Variants in EPS8 observed in about 807,000 individuals in gnomAD.
EPS8 encodes the protein EGFR pathway substrate 8, signaling adaptor, also known as epidermal growth factor receptor kinase substrate 8.
In EPS8, 42 loss-of-function variants were observed where a neutral mutation model predicts 103.8. The observed-to-expected ratio is 0.40, with a 90% CI of 0.32 to 0.52. The LOEUF is 0.52. Ranked by LOEUF, EPS8 falls within the 20% of genes least tolerant of loss-of-function variation. EPS8 has a pLI of 0.40. For synonymous variants in EPS8, 344 were observed against 344.6 expected, an observed-to-expected ratio of 1.00 and a Z score of 0.02; for missense variants, 969 against 1,005.1, an observed-to-expected ratio of 0.96 and a Z score of 0.49.
In EPS8 at chr12:15,764,946, T is replaced by C. The variant is rs1947078156; in HGVS notation, c.-22+24215A>G. 6.6e-6 allele frequency among the ~76,000 whole-genome samples: 1 copy of C among 152,188 alleles called. No homozygotes were observed. ...TCCAAAAACAGAAGACCATTAATCA[T>C]TTTCCATTGAATTATTTTATATTGA... On this transcript the variant is annotated intron_variant, in intron 1 of 20. Transcript: ENST00000281172. This position sits in a 1 kb window ranked among gnomAD's most constrained non-coding sequence, Gnocchi z 4.1.
rs893290114 is a variant in EPS8, at chr12:15,757,044, C to T, written c.-22+32117G>A. ...TTACCCAATCTACACCCCTTAAATG[C>T]CATTCATGTTAGTTTTCATCCATAA... On this transcript the variant is annotated intron_variant, in intron 1 of 20. Transcript: ENST00000281172. The surrounding 1 kb of genome is among the most constrained non-coding windows in gnomAD (Gnocchi z 4.1). Among the ~76,000 whole-genome samples, 3 of 152,138 alleles carry T rather than the reference C, an allele frequency of 2.0e-5. No individual in the cohort carries two copies. The highest frequency in any genetic ancestry group is 7.2e-5 in the African/African-American group (3 of 41,422).
At position 15,704,106 on chromosome 12, in the gene EPS8, GT is replaced by G. The variant is rs909557991; in HGVS notation, c.-21-21135del. 6.6e-6 allele frequency among the ~76,000 whole-genome samples: 1 copy of G among 151,790 alleles called. No homozygotes were observed. Among genetic ancestry groups the G allele is most frequent in the African/African-American group, 2.4e-5 (1 of 41,324 alleles). On this transcript the variant is annotated intron_variant, in intron 1 of 20. Transcript: ENST00000281172. The surrounding 1 kb of genome is among the most constrained non-coding windows in gnomAD (Gnocchi z 4.6). ...TAAGAATAGAGGGTTTTCCTGCTGGGTTTTTTTGTTCGTTCATTTAAAATAT... is the reference window on the plus strand; with the variant it reads ...TAAGAATAGAGGGTTTTCCTGCTGGGTTTTTTGTTCGTTCATTTAAAATAT...
chr12:15,685,163 G>A (rs532558975), intron 1 of EPS8, among the ~76,000 whole-genome samples: 1 of 152,164 alleles, frequency 6.6e-6, no homozygotes, highest in African/African-American at 2.4e-5. Flanking sequence ...CAGAGGCCTG[G>A]AATAACATTA....
intron 17 of EPS8, 96 bp from the exon 18 acceptor site, chr12:15,631,760 T>A: frequency 2.1e-6 from 2 of 936,280 alleles, no homozygotes; most frequent in East Asian, 5.3e-5. Context: ...TGGCTATTTT[T>A]AAACTTACTT....
In EPS8 at chr12:15,713,785, T is replaced by C. The variant is rs186375926; in HGVS notation, c.-21-30813A>G. ...GTGTCGGGGAGGAGAAATTCACTCATAGTCATATTAAGACTTAAGAGAGCT... is the reference window on the plus strand; with the variant it reads ...GTGTCGGGGAGGAGAAATTCACTCACAGTCATATTAAGACTTAAGAGAGCT... On this transcript the variant is annotated intron_variant, in intron 1 of 20. Transcript: ENST00000281172. This position sits in a 1 kb window ranked among gnomAD's most constrained non-coding sequence, Gnocchi z 4.8. Among the ~76,000 whole-genome samples the C allele has an allele frequency of 2.0e-5, 3 of 152,300 alleles. No individual in the cohort carries two copies. Among genetic ancestry groups the C allele is most frequent in the East Asian group, 1.9e-4 (1 of 5,184 alleles).
At chr12:15,705,091 G>GA (rs1194617014) in intron 1 of EPS8, among the ~76,000 whole-genome samples, 1 of 151,662 alleles carries the variant, frequency 6.6e-6, no homozygotes, top group Non-Finnish European at 1.5e-5. Flanking sequence ...CATCTTGAAG[G>GA]AAAAAAAAGC....
At chr12:15,623,099 A>G in intron 20 of EPS8, 59 bp downstream of exon 20, 4 of 1,525,524 alleles carry the variant, frequency 2.6e-6, no homozygotes, top group Admixed American at 2.2e-5. Context: ...GGACATAAAT[A>G]GTTGTTTCCA....
rs1357451443 is a variant in EPS8, at chr12:15,716,451, C to T, written c.-21-33479G>A. 6.6e-6 allele frequency among the ~76,000 whole-genome samples: 1 copy of T among 152,088 alleles called. No homozygotes were observed. The highest frequency in any genetic ancestry group is 1.5e-5 in the Non-Finnish European group (1 of 68,030). On this transcript the variant is annotated intron_variant, in intron 1 of 20. Coordinates refer to ENST00000281172, the MANE Select transcript of EPS8 (RefSeq NM_004447.6). The surrounding 1 kb of genome is among the most constrained non-coding windows in gnomAD (Gnocchi z 5.0). ...CCATCCATAGTCATTCATATCCATACACAGGATATCAATGATAGTGGAACA... is the reference window on the plus strand; with the variant it reads ...CCATCCATAGTCATTCATATCCATATACAGGATATCAATGATAGTGGAACA...
chr12:15,768,120 A>G (rs559930938), intron 1 of EPS8, among the ~76,000 whole-genome samples: 1 of 152,286 alleles, frequency 6.6e-6, no homozygotes, highest in Non-Finnish European at 1.5e-5. Context: ...ACTATTGAAT[A>G]ATAATAAAAG....
intron 17 of EPS8, chr12:15,634,667 T>TG (rs906255927): frequency 2.5e-6 from 1 of 398,326 alleles, no homozygotes; most frequent in African/African-American, 2.1e-5. Flanking sequence ...ATTTGGAGGG[T>TG]GTTAAGTTGA....
rs918576184 is a variant in EPS8 at position 15,760,231 on chromosome 12, C to A, written c.-22+28930G>T. Among the ~76,000 whole-genome samples the A allele has an allele frequency of 6.6e-6, 1 of 152,000 alleles. No individual in the cohort carries two copies. Among genetic ancestry groups the A allele is most frequent in the Non-Finnish European group, 1.5e-5 (1 of 67,962 alleles). ...AAATGGACAAATTCCTAGACACACACAACCTACTAAGATTGAACTATGAAG... is the reference window on the plus strand; with the variant it reads ...AAATGGACAAATTCCTAGACACACAAAACCTACTAAGATTGAACTATGAAG... On this transcript the variant is annotated intron_variant, in intron 1 of 20. Coordinates refer to ENST00000281172, the MANE Select transcript of EPS8 (RefSeq NM_004447.6). This position sits in a 1 kb window ranked among gnomAD's most constrained non-coding sequence, Gnocchi z 4.5.
At chr12:15,681,547 A>G (rs1318354433) in intron 2 of EPS8, among the ~76,000 whole-genome samples, 3 of 151,748 alleles carry the variant, frequency 2.0e-5, no homozygotes, top group East Asian at 1.9e-4. Context: ...CCTGACCAAC[A>G]TGGAGAAACC....
At position 15,713,584 on chromosome 12, in the gene EPS8, G is replaced by A. The variant is rs1010510010; in HGVS notation, c.-21-30612C>T. Among the ~76,000 whole-genome samples, 2 of 152,218 alleles carry A rather than the reference G, an allele frequency of 1.3e-5. No homozygotes were observed. The highest frequency in any genetic ancestry group is 2.4e-5 in the African/African-American group (1 of 41,460). On this transcript the variant is annotated intron_variant, in intron 1 of 20. Transcript: ENST00000281172. The surrounding 1 kb of genome is among the most constrained non-coding windows in gnomAD (Gnocchi z 4.8). The stretch of plus-strand genomic sequence containing the variant: ...CAGAAGAAAGTGCTCCCTCAAGAGA[G>A]AAAGCACTCTGCTGGATTTCCAGCC...
intron 1 of EPS8, among the ~76,000 whole-genome samples, chr12:15,754,660 C>T (rs1029901517): frequency 7.2e-5 from 11 of 152,204 alleles, no homozygotes; most frequent in Non-Finnish European, 1.5e-4. Context: ...CTTCTTTGAA[C>T]ACCCAACTTC....
chr12:15,785,184 T>C lies in EPS8; in HGVS notation c.-22+3977A>G, dbSNP rs1565543379. On this transcript the variant is annotated intron_variant, in intron 1 of 20. Transcript: ENST00000281172. This position sits in a 1 kb window ranked among gnomAD's most constrained non-coding sequence, Gnocchi z 4.9. ...AGATTGTAACAAAGAAATCTAACTGTATTATAAATGTGTGCTACAATCTCA... is the reference window on the plus strand; with the variant it reads ...AGATTGTAACAAAGAAATCTAACTGCATTATAAATGTGTGCTACAATCTCA... 6.6e-6 allele frequency among the ~76,000 whole-genome samples: 1 copy of C among 152,164 alleles called. No individual in the cohort carries two copies. Among genetic ancestry groups the C allele is most frequent in the Non-Finnish European group, 1.5e-5 (1 of 67,974 alleles).
At chr12:15,782,227 T>C (rs1454332432) in intron 1 of EPS8, 1 of 152,164 alleles carries the variant, frequency 6.6e-6, no homozygotes, top group Admixed American at 6.6e-5. Context: ...GTGTGGTGGC[T>C]CATGCCTGTA....
intron 1 of EPS8, among the ~76,000 whole-genome samples, chr12:15,755,458 A>G (rs1946976907): frequency 6.6e-6 from 1 of 152,102 alleles, no homozygotes; most frequent in Non-Finnish European, 1.5e-5. Flanking sequence ...TTTTCGAGCA[A>G]TCTCTCTGAG....
At chr12:15,681,840 A>C (rs2135887169) in intron 2 of EPS8, among the ~76,000 whole-genome samples, 1 of 152,144 alleles carries the variant, frequency 6.6e-6, no homozygotes, top group East Asian at 1.9e-4. Flanking sequence ...TATGTGAAAT[A>C]AATAGTGCTT....
rs74063352 is a variant in EPS8, at chr12:15,695,299, T to C, written c.-21-12327A>G. On this transcript the variant is annotated intron_variant, in intron 1 of 20. Transcript: ENST00000281172. The surrounding 1 kb of genome is among the most constrained non-coding windows in gnomAD (Gnocchi z 5.0). The stretch of plus-strand genomic sequence containing the variant: ...TCAAACAAGATTCATTCAACATTAA[T>C]TGGCACCTGCCAATCTGAGTACTAC... Among the ~76,000 whole-genome samples, 580 of 152,326 alleles carry C rather than the reference T, an allele frequency of 3.8e-3. No individual in the cohort carries two copies. The highest frequency in any genetic ancestry group is 0.013 in the African/African-American group (538 of 41,578).
Sources: allele counts gnomAD v4.1 joint callset (sites outside exome capture counted in the v4.1 genomes callset), GRCh38; gene constraint gnomAD v4.1.1; non-coding constraint Gnocchi (gnomAD v3.1); transcripts MANE v1.5; gene names NCBI Gene and HGNC (gene_info 2026-07-23, HGNC 2026-07-21).